NCOA3: variants seen among roughly 807,000 people sequenced by gnomAD.
NCOA3 encodes the protein nuclear receptor coactivator 3.
NCOA3 carries 51 observed loss-of-function variants against 158.8 expected under a neutral mutation model. The observed-to-expected ratio is 0.32, with a 90% CI of 0.26 to 0.41. The LOEUF is 0.41. NCOA3 is among the 10% of genes least tolerant of loss of function. The pLI, the probability that NCOA3 is intolerant of heterozygous loss-of-function variation, is 1.00. For synonymous variants in NCOA3, 537 were observed against 592.4 expected (o/e 0.91, Z 1.36); for missense variants, 1,510 against 1,746.6 (o/e 0.86, Z 2.41).
At chr20:47,642,411 A>C (rs774388555) in intron 17 of NCOA3, 27 bp downstream of exon 17, 1 of 1,561,648 alleles carries the variant, frequency 6.4e-7, no homozygotes, top group Non-Finnish European at 8.7e-7. Flanking sequence ...TGGAAGTAGG[A>C]GAGTGTATAT....
At chr20:47,625,108 A>G (rs2086301630) in intron 4 of NCOA3, among the ~76,000 whole-genome samples, 1 of 152,096 alleles carries the variant, frequency 6.6e-6, no homozygotes, top group African/African-American at 2.4e-5. Flanking sequence ...TTAACAGACA[A>G]TTGCCTGTTA....
chr20:47,579,430 G>T (rs6012213), intron 1 of NCOA3, among the ~76,000 whole-genome samples: 20,647 of 152,190 alleles, frequency 0.14, 2,025 homozygotes, highest in African/African-American at 0.26. Context: ...TGTGATTGAT[G>T]AAAATCTGAA....
intron 1 of NCOA3, among the ~76,000 whole-genome samples, chr20:47,541,993 T>C (rs1435013207): frequency 5.4e-5 from 8 of 147,008 alleles, no homozygotes; most frequent in Non-Finnish European, 1.1e-4. Context: ...TATCAAATTA[T>C]TTTTTGCCCT....
Position 47,636,004 on chromosome 20 carries a change from A to G in NCOA3, c.1618A>G (p.Thr540Ala). The change falls in exon 12 of 23, where the codon ACT becomes GCT. Residue 540 changes from threonine to alanine, a missense_variant. Physicochemically the swap from Thr to Ala is moderately conservative, Grantham distance 58. Coordinates refer to ENST00000371998, the MANE Select transcript of NCOA3 (RefSeq NM_181659.3). ...SEGVGTSLLSTLSSPGPKLDN... is the reference protein window; with the variant it reads ...SEGVGTSLLSALSSPGPKLDN... ...AGGTGTGGGGACTTCCCTTTTATCT[A>G]CTCTGTCATCACCAGGCCCCAAATT... 3 of 1,613,764 alleles carry G rather than the reference A, an allele frequency of 1.9e-6. No homozygotes were observed. Among genetic ancestry groups the G allele is most frequent in the Non-Finnish European group, 2.5e-6 (3 of 1,179,940 alleles).
intron 4 of NCOA3, among the ~76,000 whole-genome samples, chr20:47,624,744 T>C (rs1273696161): frequency 6.6e-6 from 1 of 152,070 alleles, no homozygotes; most frequent in African/African-American, 2.4e-5. Context: ...AATAGACAAA[T>C]GTGTTGACCA....
At chr20:47,602,282 T>C (rs2085877312) in intron 2 of NCOA3, among the ~76,000 whole-genome samples, 1 of 152,232 alleles carries the variant, frequency 6.6e-6, no homozygotes, top group Non-Finnish European at 1.5e-5. Flanking sequence ...GAAATTAACT[T>C]TTTTCTAAAC....
intron 1 of NCOA3, among the ~76,000 whole-genome samples, chr20:47,556,002 T>C (rs1477322999): frequency 4.0e-5 from 6 of 149,304 alleles, no homozygotes; most frequent in Non-Finnish European, 7.4e-5. Context: ...TGGTGTGATC[T>C]TGGCTCACTG....
intron 13 of NCOA3, among the ~76,000 whole-genome samples, chr20:47,638,332 C>A (rs1444648760): frequency 6.6e-6 from 1 of 152,178 alleles, no homozygotes; most frequent in Non-Finnish European, 1.5e-5. Context: ...ATCGCTTGAA[C>A]CTGGGAGGCG....
intron 1 of NCOA3, among the ~76,000 whole-genome samples, chr20:47,547,260 A>G (rs1471521382): frequency 1.3e-5 from 2 of 152,230 alleles, no homozygotes; most frequent in Admixed American, 1.3e-4. Context: ...TTTCCTTGAA[A>G]GGGTGACGTC....
chr20:47,635,277 G>A (rs1449752118), intron 10 of NCOA3, 45 bp from the exon 11 acceptor site: 3 of 1,510,438 alleles, frequency 2.0e-6, no homozygotes, highest in South Asian at 1.3e-5. Context: ...AAGCTTTCAT[G>A]CATGCTTAGA....
chr20:47,591,308 A>C (rs551625863), intron 2 of NCOA3, among the ~76,000 whole-genome samples: 1 of 152,322 alleles, frequency 6.6e-6, no homozygotes, highest in East Asian at 1.9e-4. Context: ...ATAGTTTTAA[A>C]ATTTAAAAAT....
At chr20:47,640,127 A>G (rs2086580029) in intron 16 of NCOA3, 76 bp downstream of exon 16, 1 of 1,581,166 alleles carries the variant, frequency 6.3e-7, no homozygotes, top group Non-Finnish European at 8.7e-7. Flanking sequence ...CACAGAAGCA[A>G]ACGTGAAAGA....
intron 2 of NCOA3, among the ~76,000 whole-genome samples, chr20:47,600,279 A>T (rs2085838468): frequency 1.3e-5 from 2 of 151,538 alleles, no homozygotes; most frequent in South Asian, 4.2e-4. Flanking sequence ...GGTTCACGCC[A>T]TTCTCCTGCC....
At chr20:47,510,276 TA>T (rs1174297750) in intron 1 of NCOA3, among the ~76,000 whole-genome samples, 2 of 151,062 alleles carry the variant, frequency 1.3e-5, no homozygotes, top group Non-Finnish European at 3.0e-5. Context: ...ACTAAAAATA[TA>T]AAAAAATTAG....
chr20:47,632,555 GT>G (rs1284730795), intron 8 of NCOA3, among the ~76,000 whole-genome samples: 1 of 151,454 alleles, frequency 6.6e-6, no homozygotes, highest in Admixed American at 6.6e-5. Flanking sequence ...GCCCAGCTAA[GT>G]TTTGTATTCT....
chr20:47,614,975 C>G (rs1267661848), intron 2 of NCOA3, among the ~76,000 whole-genome samples: 1 of 152,152 alleles, frequency 6.6e-6, no homozygotes, highest in African/African-American at 2.4e-5. Context: ...TTCAGTAGTA[C>G]AAATGGCTTG....
chr20:47,564,121 T>G (rs3092630), intron 1 of NCOA3, among the ~76,000 whole-genome samples: 86,115 of 150,970 alleles, frequency 0.57, 24,957 homozygotes, highest in Middle Eastern at 0.7. Context: ...ATGTACTCCA[T>G]CCTGGGGAAA....
At chr20:47,568,137 GGAA>G (rs1203407154) in intron 1 of NCOA3, among the ~76,000 whole-genome samples, 1 of 152,206 alleles carries the variant, frequency 6.6e-6, no homozygotes, top group African/African-American at 2.4e-5. Flanking sequence ...CATTGGTCCT[GGAA>G]GAAGACCAGG....
intron 2 of NCOA3, among the ~76,000 whole-genome samples, chr20:47,596,178 TTTGAG>T (rs2085752996): frequency 6.6e-6 from 1 of 152,220 alleles, no homozygotes; most frequent in Admixed American, 6.5e-5. Flanking sequence ...CACAGCTATC[TTTGAG>T]TTAATAATTA....
Sources: gnomAD v4.1 joint callset for allele counts (sites outside exome capture counted in the v4.1 genomes callset) on GRCh38, gnomAD v4.1.1 for gene constraint, MANE v1.5 for transcripts, NCBI Gene and HGNC (gene_info 2026-07-23, HGNC 2026-07-21) for gene names.